Variants in CYP2B6 observed in about 807,000 individuals in gnomAD.
CYP2B6 encodes the protein cytochrome P450 2B6.
Under a neutral mutation model 43.4 loss-of-function variants are expected in CYP2B6, and 35 were observed. That is an observed-to-expected ratio of 0.81 (90% CI 0.62 to 1.07). The LOEUF (loss-of-function observed/expected upper bound fraction) is 1.07, where lower values mean the gene tolerates loss of function less well. Ranked by LOEUF, CYP2B6 falls within the 50% of genes least tolerant of loss-of-function variation. The probability of loss-of-function intolerance (pLI) is 0.00; values close to 1 mark genes in which losing one functional copy is unlikely to be tolerated. For missense variants in CYP2B6, 624 were observed against 632.8 expected, an observed-to-expected ratio of 0.99 and a Z score of 0.15; for synonymous variants, 239 against 239.2, an observed-to-expected ratio of 1.00 and a Z score of 0.01.
chr19:40,998,671 G>T (rs1203549807), intron 1 of CYP2B6, among the ~76,000 whole-genome samples: 1 of 124,848 alleles, frequency 8.0e-6, no homozygotes, highest in Non-Finnish European at 1.8e-5. Flanking sequence ...AGAATATGTG[G>T]TGTTTGGTTT....
chr19:41,003,303 C>T (rs1341299816), intron 1 of CYP2B6, among the ~76,000 whole-genome samples: 1 of 151,882 alleles, frequency 6.6e-6, no homozygotes, highest in Non-Finnish European at 1.5e-5. Flanking sequence ...TTTTCCTATA[C>T]AATCACATTA....
chr19:40,999,777 C>T (rs1403943857), intron 1 of CYP2B6, among the ~76,000 whole-genome samples: 2 of 152,054 alleles, frequency 1.3e-5, no homozygotes, highest in Non-Finnish European at 2.9e-5. Context: ...CAGCCTTGAA[C>T]TCCTGTGCTC....
Position 41,009,750 on chromosome 19 carries a change from AAGAG to A in CYP2B6, c.823-240_823-237del, listed in dbSNP as rs1166495164. 2.5e-5 allele frequency: 15 copies of A among 600,416 alleles called. No individual in the cohort carries two copies. The East Asian group carries it at 3.7e-4, about 15-fold the overall frequency. 37.2% of individuals were successfully genotyped at this position (600,416 alleles called of 1,614,324 possible). On this transcript the variant is annotated intron_variant, in intron 5 of 8. Transcript: ENST00000324071. ...AGAGGCAGAAAGAGACGGGGACAAA[AAGAG>A]AGAAACACATCAAAGAGATGTGGAG...
At chr19:40,994,587 A>G (rs1472390275) in intron 1 of CYP2B6, among the ~76,000 whole-genome samples, 1 of 152,058 alleles carries the variant, frequency 6.6e-6, no homozygotes, top group Non-Finnish European at 1.5e-5. Context: ...TCAATCTCCC[A>G]AAGTGCTGGG....
At chr19:41,003,120 A>G (rs1969121777) in intron 1 of CYP2B6, among the ~76,000 whole-genome samples, 1 of 152,024 alleles carries the variant, frequency 6.6e-6, no homozygotes, top group Non-Finnish European at 1.5e-5. Context: ...TGTACCTGGG[A>G]GTGAAGTGGC....
chr19:41,006,940 A>C lies in CYP2B6; in HGVS notation c.520A>C (p.Ile174Leu). The C allele has an allele frequency of 6.2e-7, 1 of 1,613,928 alleles. No individual in the cohort carries two copies. ...LMDPTFLFQS[I>L]TANIICSIVF... ...GGACCCCACCTTCCTCTTCCAGTCC[A>C]TTACCGCCAACATCATCTGCTCCAT... The change falls in exon 4 of 9, where the codon ATT (isoleucine) becomes CTT (leucine). Residue 174 changes from isoleucine (I) to leucine (L), a missense_variant. By Grantham distance (5) the Ile-to-Leu change is conservative (BLOSUM62 2). Transcript: ENST00000324071.
chr19:40,998,448 G>C (rs1048251181), intron 1 of CYP2B6, among the ~76,000 whole-genome samples: 18 of 151,748 alleles, frequency 1.2e-4, no homozygotes, highest in Non-Finnish European at 2.5e-4. Context: ...TATACTTTAA[G>C]TTTTAGGGTA....
At chr19:40,998,337 T>C (rs772274309) in intron 1 of CYP2B6, among the ~76,000 whole-genome samples, 95 of 152,146 alleles carry the variant, frequency 6.2e-4, no homozygotes, top group Non-Finnish European at 9.7e-4. Flanking sequence ...GGTATGGTCA[T>C]TGAATATCCC....
intron 1 of CYP2B6, among the ~76,000 whole-genome samples, chr19:41,001,384 G>A (rs1969084060): frequency 6.6e-6 from 1 of 152,074 alleles, no homozygotes; most frequent in African/African-American, 2.4e-5. Flanking sequence ...TCTCTTGGGG[G>A]TGGGGTAAAG....
chr19:41,013,652 T>C (rs751485651), intron 8 of CYP2B6, among the ~76,000 whole-genome samples: 2 of 152,234 alleles, frequency 1.3e-5, no homozygotes, highest in Non-Finnish European at 2.9e-5. Context: ...TTTGGATTTA[T>C]GGTCTAGCAC....
chr19:41,012,423 C>T lies in CYP2B6; in HGVS notation c.1090C>T (p.Pro364Ser). ...YEIQRFSDLL[P>S]MGVPHIVTQH... ...GATTCAGAGATTTTCCGACCTTCTC[C>T]CCATGGGTGTGCCCCACATTGTCAC... Residue 364 changes from proline (P) to serine (S), a missense_variant, in exon 7 of 9, where the codon CCC becomes TCC. Coordinates refer to ENST00000324071, the MANE Select transcript of CYP2B6 (RefSeq NM_000767.5). 6.2e-7 allele frequency: 1 copy of T among 1,614,128 alleles called. No individual in the cohort carries two copies. Among genetic ancestry groups the T allele is most frequent in the Non-Finnish European group, 8.5e-7 (1 of 1,180,004 alleles).
chr19:41,000,831 G>A (rs1328187129), intron 1 of CYP2B6, among the ~76,000 whole-genome samples: 2 of 151,988 alleles, frequency 1.3e-5, no homozygotes, highest in Non-Finnish European at 2.9e-5. Flanking sequence ...CTGAGGTCGG[G>A]AGTTCGAGAC....
chr19:40,997,840 C>T (rs769677013), intron 1 of CYP2B6, among the ~76,000 whole-genome samples: 1 of 152,092 alleles, frequency 6.6e-6, no homozygotes, highest in African/African-American at 2.4e-5. Context: ...TGGCTTATAC[C>T]TGTAATCCCA....
Position 40,998,447 on chromosome 19 carries a change from A to T in CYP2B6, c.172-5554A>T, listed in dbSNP as rs558014709. Among the ~76,000 whole-genome samples, 3 of 151,980 alleles carry T rather than the reference A, an allele frequency of 2.0e-5. No homozygotes were observed. The South Asian group carries it at 6.2e-4, about 32-fold the overall frequency. On this transcript the variant is annotated intron_variant, in intron 1 of 8. Transcript: ENST00000324071. ...TCTTTTTTATTATTATTATACTTTA[A>T]GTTTTAGGGTACATGTGCACATTGT...
At chr19:41,010,724 T>C (rs1180343592) in intron 6 of CYP2B6, among the ~76,000 whole-genome samples, 3 of 152,140 alleles carry the variant, frequency 2.0e-5, no homozygotes. Context: ...GTTTGGGCTG[T>C]TAGGGTATTT....
At chr19:41,013,794 T>G (rs1288871591) in intron 8 of CYP2B6, among the ~76,000 whole-genome samples, 1 of 152,166 alleles carries the variant, frequency 6.6e-6, no homozygotes, top group Non-Finnish European at 1.5e-5. Context: ...AAACAATTCA[T>G]GAATTGGGCA....
chr19:41,003,884 G>T, intron 1 of CYP2B6, 117 bp from the exon 2 acceptor site: 1 of 1,395,778 alleles, frequency 7.2e-7, no homozygotes, highest in Non-Finnish European at 1.0e-6. Context: ...GGGCAGCCTG[G>T]GGAGGCGGAT....
intron 1 of CYP2B6, among the ~76,000 whole-genome samples, chr19:41,002,530 T>G (rs149796493): frequency 1.3e-3 from 204 of 152,172 alleles, no homozygotes; most frequent in African/African-American, 4.7e-3. Flanking sequence ...TTTATCTGTG[T>G]ATGAACTTCT....
At position 41,011,702 on chromosome 19, in the gene CYP2B6, T is replaced by C. The variant is rs35110193; in HGVS notation, c.965-596T>C. Among the ~76,000 whole-genome samples the C allele has an allele frequency of 3.2e-3, 486 of 152,132 alleles. 4 individuals carry two copies. The highest frequency in any genetic ancestry group is 0.011 in the African/African-American group (459 of 41,498). ...GTTTTGAGAGGTTTGTAGCCTGGAG[T>C]TCTTAATCTGAAATTCCATGCAAAA... On this transcript the variant is annotated intron_variant, in intron 6 of 8. Coordinates refer to ENST00000324071, the MANE Select transcript of CYP2B6 (RefSeq NM_000767.5).
Sources: gnomAD v4.1 joint callset for allele counts (sites outside exome capture counted in the v4.1 genomes callset) on GRCh38, gnomAD v4.1.1 for gene constraint, MANE v1.5 for transcripts, NCBI Gene and HGNC (gene_info 2026-07-23, HGNC 2026-07-21) for gene names.